CACNA1C: variants seen among roughly 807,000 people sequenced by gnomAD.
The protein encoded by CACNA1C is voltage-dependent L-type calcium channel subunit alpha-1C.
Under a neutral mutation model 229.0 loss-of-function variants are expected in CACNA1C, and 30 were observed. The observed-to-expected ratio is 0.13, with a 90% CI of 0.10 to 0.18. CACNA1C has a LOEUF of 0.18. Among genes scored for constraint, CACNA1C ranks in the 10% least tolerant of loss-of-function variants. The pLI is 1.00. For synonymous variants in CACNA1C, 1,114 were observed against 1,132.5 expected (o/e 0.98, Z 0.33); for missense variants, 1,658 against 2,845.0 (o/e 0.58, Z 9.49).
intron 11 of CACNA1C, among the ~76,000 whole-genome samples, chr12:2,562,500 A>C (rs764455429): frequency 1.3e-4 from 20 of 152,230 alleles, no homozygotes. Context: ...ATTTCTGTAC[A>C]GTATTAATAA....
chr12:2,515,489 T>G (rs1296696795), intron 9 of CACNA1C, among the ~76,000 whole-genome samples: 1 of 152,248 alleles, frequency 6.6e-6, no homozygotes, highest in Non-Finnish European at 1.5e-5. Context: ...CCGTAATATC[T>G]TAGCCTTTGA....
chr12:2,432,689 G>T (rs2099097829), intron 3 of CACNA1C, among the ~76,000 whole-genome samples: 1 of 152,106 alleles, frequency 6.6e-6, no homozygotes, highest in Admixed American at 6.5e-5. Flanking sequence ...TTTAAAAAAT[G>T]GAGTGTGTAA....
chr12:2,382,346 A>G (rs2098269549), intron 3 of CACNA1C, among the ~76,000 whole-genome samples: 1 of 152,246 alleles, frequency 6.6e-6, no homozygotes, highest in African/African-American at 2.4e-5. Context: ...CATATTATCA[A>G]AGAAGCATGC....
upstream of CACNA1C, among the ~76,000 whole-genome samples, chr12:2,051,269 C>A (rs1657089902): frequency 6.6e-6 from 1 of 152,168 alleles, no homozygotes; most frequent in Admixed American, 6.5e-5. Flanking sequence ...GTTGAGGGGT[C>A]ATTCCTGGAG....
intron 3 of CACNA1C, among the ~76,000 whole-genome samples, chr12:2,264,518 C>G (rs979006449): frequency 6.6e-6 from 1 of 152,216 alleles, no homozygotes; most frequent in Non-Finnish European, 1.5e-5. Context: ...TAGGGCAAAT[C>G]ACTTAACCCT....
chr12:2,378,811 TTCCTTC>T lies in CACNA1C; in HGVS notation c.478-70164_478-70159del, dbSNP rs1567336680. On this transcript the variant is annotated intron_variant, in intron 3 of 46. Transcript: ENST00000399655. ...CTTCCTTCCTTCCTTCCTTCCTTCCTTCCTTCCTCTCTCTCTTTCCTTCTTTTTTTC... is the reference window on the plus strand; with the variant it reads ...CTTCCTTCCTTCCTTCCTTCCTTCCTCTCTCTCTCTTTCCTTCTTTTTTTC... Among the ~76,000 whole-genome samples, 200 of 139,450 alleles carry T rather than the reference TTCCTTC, an allele frequency of 1.4e-3. 3 individuals are homozygous for T. In the East Asian group the frequency reaches 0.023, roughly 16 times the overall value. The allele number at this position is 139,450 out of a possible 152,430, so 91.5% of individuals were successfully genotyped here. A position where few individuals can be genotyped will look rare whatever the true frequency, so the allele number is the denominator to read the frequency against.
chr12:2,018,164 T>C (rs1192408821), intron 1 of CACNA1C: 1 of 152,180 alleles, frequency 6.6e-6, no homozygotes, highest in Non-Finnish European at 1.5e-5. Flanking sequence ...TTCGAGAATG[T>C]CCACGTAAAC....
At chr12:2,120,547 C>CT in intron 3 of CACNA1C, 117 bp downstream of exon 3, 1 of 731,984 alleles carries the variant, frequency 1.4e-6, no homozygotes, top group Non-Finnish European at 2.5e-6. Flanking sequence ...TGTGCAGGAG[C>CT]CCTGCAGAGC....
At chr12:2,480,547 C>T (rs2099671695) in intron 5 of CACNA1C, among the ~76,000 whole-genome samples, 1 of 152,232 alleles carries the variant, frequency 6.6e-6, no homozygotes, top group African/African-American at 2.4e-5. Context: ...AGCACGCAAG[C>T]ATGGCTCATG....
chr12:2,322,273 A>G (rs1410735044), intron 3 of CACNA1C, among the ~76,000 whole-genome samples: 1 of 152,212 alleles, frequency 6.6e-6, no homozygotes, highest in Non-Finnish European at 1.5e-5. Flanking sequence ...AGCCACCCCC[A>G]GATGAAGACA....
chr12:2,635,983 A>G (rs988827693), intron 30 of CACNA1C, among the ~76,000 whole-genome samples: 1 of 152,098 alleles, frequency 6.6e-6, no homozygotes, highest in Non-Finnish European at 1.5e-5. Context: ...CCCCTTTCTG[A>G]ATGGACCCCA....
intron 1 of CACNA1C, among the ~76,000 whole-genome samples, chr12:1,976,743 A>C (rs1451682935): frequency 1.3e-5 from 2 of 150,384 alleles, no homozygotes; most frequent in Non-Finnish European, 1.5e-5. Flanking sequence ...GCAAAATGTC[A>C]TGTATATATG....
intron 3 of CACNA1C, among the ~76,000 whole-genome samples, chr12:2,407,299 C>A (rs1451632515): frequency 6.6e-6 from 1 of 151,794 alleles, no homozygotes; most frequent in Non-Finnish European, 1.5e-5. Flanking sequence ...GGAGCCTCAT[C>A]ATGACCCAGT....
intron 5 of CACNA1C, among the ~76,000 whole-genome samples, chr12:2,474,673 T>C (rs1014644054): frequency 6.6e-6 from 1 of 151,240 alleles, no homozygotes; most frequent in Non-Finnish European, 1.5e-5. Flanking sequence ...AGAGAATCAC[T>C]TGAACCTGGG....
chr12:2,048,058 G>A (rs146027184), upstream of CACNA1C, among the ~76,000 whole-genome samples: 1 of 152,332 alleles, frequency 6.6e-6, no homozygotes, highest in East Asian at 1.9e-4. Flanking sequence ...AGCAGGAGCT[G>A]GAGGAGCTGT....
Position 2,178,510 on chromosome 12 carries a change from A to G in CACNA1C, c.477+58080A>G, listed in dbSNP as rs183867564. 3.3e-5 allele frequency among the ~76,000 whole-genome samples: 5 copies of G among 152,314 alleles called. No homozygotes were observed. The East Asian group carries it at 7.7e-4, about 24-fold the overall frequency. ...GGAGTCTAAGCAGTTGTCTTGTGGT[A>G]TCAATGCTCCTGTGTCTGGAGAGCT... On this transcript the variant is annotated intron_variant, in intron 3 of 46. Transcript: ENST00000399655.
intron 3 of CACNA1C, among the ~76,000 whole-genome samples, chr12:2,211,714 C>CT (rs5795996): frequency 0.043 from 4,911 of 115,424 alleles, 192 homozygotes; most frequent in East Asian, 0.078. Flanking sequence ...CTTTCTGCTG[C>CT]TTTTTTTTTT....
At position 2,605,806 on chromosome 12, in the gene CACNA1C, G is replaced by C. The variant is rs751966602; in HGVS notation, c.3156+20G>C. On this transcript the variant is annotated intron_variant, in intron 24 of 46. Coordinates refer to ENST00000399655, the MANE Select transcript of CACNA1C (RefSeq NM_000719.7). The surrounding 1 kb of genome is among the most constrained non-coding windows in gnomAD (Gnocchi z 6.2). The stretch of plus-strand genomic sequence containing the variant: ...TTCAAGGTAAAGTCTGGGCTCCGTT[G>C]TGGTCCTCCTACCTCCCCTCCCATC... 3.8e-5 allele frequency: 57 copies of C among 1,510,518 alleles called. No homozygotes were observed. The highest frequency in any genetic ancestry group is 5.3e-5 in the Non-Finnish European group (57 of 1,085,532). 93.6% of individuals were successfully genotyped at this position (1,510,518 alleles called of 1,614,324 possible).
At chr12:2,401,594 G>A (rs1010997672) in intron 3 of CACNA1C, among the ~76,000 whole-genome samples, 3 of 152,180 alleles carry the variant, frequency 2.0e-5, no homozygotes, top group Admixed American at 2.0e-4. Flanking sequence ...AAACCCGAGA[G>A]CCAGACTGGC....
Sources: allele counts gnomAD v4.1 joint callset (sites outside exome capture counted in the v4.1 genomes callset), GRCh38; gene constraint gnomAD v4.1.1; non-coding constraint Gnocchi (gnomAD v3.1); transcripts MANE v1.5; gene names NCBI Gene and HGNC (gene_info 2026-07-23, HGNC 2026-07-21).